Variants in PCDH15 observed in about 807,000 individuals in gnomAD.
PCDH15 encodes the protein protocadherin related 15.
A neutral mutation model predicts 178.5 loss-of-function variants in PCDH15; 129 were observed. The ratio of observed to expected loss-of-function variants is 0.72; its 90% CI spans 0.63 to 0.84. The LOEUF is 0.84. Ranked by LOEUF, PCDH15 falls within the 40% of genes least tolerant of loss-of-function variation. The pLI is 0.00. For missense variants in PCDH15, 2,230 were observed against 2,099.9 expected (o/e 1.06, Z -1.21); for synonymous variants, 800 against 732.0 (o/e 1.09, Z -1.50).
chr10:54,062,562 C>T (rs2094052506), intron 18 of PCDH15, among the ~76,000 whole-genome samples: 2 of 152,034 alleles, frequency 1.3e-5, no homozygotes, highest in Admixed American at 6.5e-5. Flanking sequence ...ATGCAGCCTG[C>T]CTTGGATGTC....
intron 2 of PCDH15, among the ~76,000 whole-genome samples, chr10:55,112,053 C>G (rs1286581514): frequency 6.6e-6 from 1 of 151,910 alleles, no homozygotes; most frequent in Non-Finnish European, 1.5e-5. Flanking sequence ...TTTAGATTTA[C>G]AGAATAATGC....
chr10:54,607,599 A>T (rs1392284591), intron 2 of PCDH15, among the ~76,000 whole-genome samples: 1 of 152,280 alleles, frequency 6.6e-6, no homozygotes, highest in East Asian at 1.9e-4. Flanking sequence ...GGTTAAGAGT[A>T]GAAATCAACC....
intron 3 of PCDH15, among the ~76,000 whole-genome samples, chr10:54,488,822 A>T (rs2079329216): frequency 6.6e-6 from 1 of 151,996 alleles, no homozygotes; most frequent in Admixed American, 6.6e-5. Flanking sequence ...TCAAAAAATA[A>T]GGAATCTCAA....
At chr10:54,247,756 G>A (rs2056098876) in intron 8 of PCDH15, among the ~76,000 whole-genome samples, 2 of 151,310 alleles carry the variant, frequency 1.3e-5, no homozygotes, top group African/African-American at 2.4e-5. Context: ...AAAGCTTTTC[G>A]ATAAACTAGT....
chr10:53,808,298 A>G (rs954815072), intron 37 of PCDH15: 2 of 464,522 alleles, frequency 4.3e-6, no homozygotes, highest in African/African-American at 4.4e-5. Flanking sequence ...TTATTTTGAA[A>G]GATGATATAA....
intron 1 of PCDH15, among the ~76,000 whole-genome samples, chr10:54,692,065 C>G (rs1182604667): frequency 6.6e-6 from 1 of 152,048 alleles, no homozygotes; most frequent in South Asian, 2.1e-4. Flanking sequence ...TTATTTGTTT[C>G]CAAACTACCT....
chr10:54,168,170 C>A (rs2046464040), intron 13 of PCDH15, among the ~76,000 whole-genome samples: 1 of 152,012 alleles, frequency 6.6e-6, no homozygotes, highest in Non-Finnish European at 1.5e-5. Flanking sequence ...TTCCAAATAG[C>A]CAGAAAATGG....
At chr10:54,667,386 T>C (rs1341280191) in intron 1 of PCDH15, among the ~76,000 whole-genome samples, 2 of 152,004 alleles carry the variant, frequency 1.3e-5, no homozygotes, top group African/African-American at 2.4e-5. Context: ...CACAAAGAGA[T>C]TGTGTAAATG....
intron 2 of PCDH15, among the ~76,000 whole-genome samples, chr10:54,583,255 A>G (rs1001367427): frequency 7.9e-5 from 12 of 152,162 alleles, no homozygotes; most frequent in Admixed American, 4.6e-4. Context: ...GCAATTAACA[A>G]ATTTAATCCA....
chr10:55,610,909 G>A (rs1219767250), intron 2 of PCDH15, among the ~76,000 whole-genome samples: 1 of 152,060 alleles, frequency 6.6e-6, no homozygotes, highest in African/African-American at 2.4e-5. Context: ...GCTAAAAAGA[G>A]TGAAATTATA....
At chr10:54,264,722 AT>A (rs1184446886) in intron 8 of PCDH15, among the ~76,000 whole-genome samples, 1 of 152,134 alleles carries the variant, frequency 6.6e-6, no homozygotes, top group Admixed American at 6.5e-5. Flanking sequence ...AAGAAAAAAT[AT>A]TTTTTAAAAA....
intron 2 of PCDH15, among the ~76,000 whole-genome samples, chr10:55,165,735 C>T (rs1404549633): frequency 1.3e-5 from 2 of 151,872 alleles, no homozygotes; most frequent in East Asian, 3.9e-4. Context: ...TGTTTATATA[C>T]ACATAACATA....
intron 2 of PCDH15, among the ~76,000 whole-genome samples, chr10:54,544,677 G>A (rs2085650160): frequency 1.3e-5 from 2 of 152,272 alleles, no homozygotes; most frequent in South Asian, 2.1e-4. Flanking sequence ...CAAGCTATAT[G>A]ATTTCTTACT....
At chr10:55,476,888 C>T (rs1426706768) in intron 2 of PCDH15, among the ~76,000 whole-genome samples, 1 of 151,804 alleles carries the variant, frequency 6.6e-6, no homozygotes, top group Non-Finnish European at 1.5e-5. Flanking sequence ...TATTGTGCTG[C>T]CTCTCCCCTC....
intron 1 of PCDH15, among the ~76,000 whole-genome samples, chr10:55,256,097 T>A (rs1230152740): frequency 6.6e-6 from 1 of 152,212 alleles, no homozygotes; most frequent in African/African-American, 2.4e-5. Context: ...AACATTTAAG[T>A]CTTTAATCCA....
chr10:55,072,540 T>TA (rs1384213419), intron 2 of PCDH15, among the ~76,000 whole-genome samples: 47 of 152,164 alleles, frequency 3.1e-4, no homozygotes, highest in African/African-American at 1.1e-3. Context: ...CTCCCAAGAC[T>TA]AAACCAGGAA....
intron 2 of PCDH15, among the ~76,000 whole-genome samples, chr10:55,112,941 A>G (rs1282712819): frequency 6.6e-6 from 1 of 152,148 alleles, no homozygotes; most frequent in Non-Finnish European, 1.5e-5. Flanking sequence ...CTTCCTCTTC[A>G]AGGGCGTAAT....
intron 21 of PCDH15, among the ~76,000 whole-genome samples, chr10:53,979,796 A>G (rs897267751): frequency 6.6e-6 from 1 of 152,260 alleles, no homozygotes; most frequent in Non-Finnish European, 1.5e-5. Flanking sequence ...GATTTATAGT[A>G]AACTAGACTT....
At chr10:54,389,901 C>T (rs1294503929) in intron 3 of PCDH15, among the ~76,000 whole-genome samples, 11 of 152,016 alleles carry the variant, frequency 7.2e-5, no homozygotes, top group African/African-American at 2.2e-4. Flanking sequence ...GCAGATCGTG[C>T]CATTGCACTC....
Sources: allele counts gnomAD v4.1 joint callset (sites outside exome capture counted in the v4.1 genomes callset), GRCh38; gene constraint gnomAD v4.1.1; transcripts MANE v1.5; gene names NCBI Gene and HGNC (gene_info 2026-07-23, HGNC 2026-07-21).